Variants in RS1 observed in about 807,000 individuals in gnomAD.
The protein encoded by RS1 is retinoschisin 1.
In RS1, 2 loss-of-function variants were observed where a neutral mutation model predicts 20.8. That is an observed-to-expected ratio of 0.10 (90% CI 0.04 to 0.30). The LOEUF is 0.30. RS1 is among the 10% of genes least tolerant of loss of function. The pLI, the probability that RS1 is intolerant of heterozygous loss-of-function variation, is 1.00. For missense variants in RS1, 151 were observed against 189.8 expected, an observed-to-expected ratio of 0.80 and a Z score of 1.20; for synonymous variants, 70 against 75.8, an observed-to-expected ratio of 0.92 and a Z score of 0.40.
intron 4 of RS1, chrX:18,646,182 T>A: frequency 2.6e-6 from 3 of 1,162,980 alleles, no homozygotes; most frequent in Non-Finnish European, 3.5e-6. Context: ...GACAGAGTCT[T>A]GCTCTGTCGC....
intron 3 of RS1, 142 bp from the exon 4 acceptor site, chrX:18,647,474 T>C (rs1203647185): frequency 3.4e-6 from 2 of 583,265 alleles, no homozygotes; most frequent in Admixed American, 2.7e-5. Context: ...TCACAATGGG[T>C]ACAGCTGTGT....
chrX:18,668,364 C>T (rs1022851848), intron 1 of RS1, among the ~76,000 whole-genome samples: 2 of 112,296 alleles, frequency 1.8e-5, no homozygotes, highest in Non-Finnish European at 3.8e-5. Flanking sequence ...TTGAAATGTA[C>T]CTTGCAACCC....
chrX:18,644,657 T>TC lies in RS1; in HGVS notation c.327-33dup, dbSNP rs1331042796. 4.2e-6 allele frequency: 5 copies of TC among 1,187,903 alleles called. No homozygotes were observed. The Admixed American group carries it at 1.1e-4, about 26-fold the overall frequency. On this transcript the variant is annotated intron_variant, in intron 4 of 5. Coordinates refer to ENST00000379984, the MANE Select transcript of RS1 (RefSeq NM_000330.4). The stretch of plus-strand genomic sequence containing the variant: ...AGAACATACCGAGTCACCGAGAGAC[T>TC]CCCCCTGTGCATGTCTGCAAAAAGC...
intron 1 of RS1, among the ~76,000 whole-genome samples, chrX:18,667,546 C>CA (rs748540329): frequency 0.035 from 1,720 of 48,569 alleles, 20 homozygotes; most frequent in African/African-American, 0.047. Flanking sequence ...GACTCTGTCT[C>CA]AAAAAAAAAA....
chrX:18,664,484 C>T (rs949550979), intron 1 of RS1, among the ~76,000 whole-genome samples: 2 of 110,997 alleles, frequency 1.8e-5, no homozygotes, highest in African/African-American at 3.3e-5. Context: ...AAAAATTAGC[C>T]GGCCATGGTG....
intron 1 of RS1, among the ~76,000 whole-genome samples, chrX:18,663,625 C>T (rs1442506327): frequency 1.8e-5 from 2 of 111,545 alleles, no homozygotes; most frequent in East Asian, 2.8e-4. Context: ...GGATTACAGT[C>T]GTGAGCCACT....
rs975647298 is a variant in RS1 at position 18,639,784 on chromosome X, C to T, written c.*2220G>A. 4 of 112,182 alleles carry T rather than the reference C, an allele frequency of 3.6e-5. No homozygotes were observed. Among genetic ancestry groups the T allele is most frequent in the African/African-American group, 9.7e-5 (3 of 30,874 alleles). 9.2% of individuals were successfully genotyped at this position (112,182 alleles called of 1,213,427 possible). A position where few individuals can be genotyped will look rare whatever the true frequency, so the allele number is the denominator to read the frequency against. On this transcript the variant is annotated 3_prime_UTR_variant, in exon 6 of 6. Transcript: ENST00000379984. ...ATGAATGGATAAATAACAATGTGCT[C>T]TTGACATGATACTGAACAATGATGT... is the stretch of plus-strand genomic sequence containing the variant.
At chrX:18,648,954 AGGAG>A (rs1460211084) in intron 3 of RS1, among the ~76,000 whole-genome samples, 1 of 104,740 alleles carries the variant, frequency 9.5e-6, no homozygotes, top group African/African-American at 3.5e-5. Context: ...AGGCTGAGGG[AGGAG>A]GATTGCTTGA....
chrX:18,647,469 A>G lies in RS1; in HGVS notation c.185-137T>C, dbSNP rs578176641. The stretch of plus-strand genomic sequence containing the variant: ...GCTTTACCTGTCTCTGTGGTTCACA[A>G]TGGGTACAGCTGTGTCTTCAACGGT... On this transcript the variant is annotated intron_variant, in intron 3 of 5. Transcript: ENST00000379984. 4.8e-3 allele frequency: 2,954 copies of G among 614,785 alleles called. 12 individuals carry two copies. Among genetic ancestry groups the G allele is most frequent in the Middle Eastern group, 0.017 (36 of 2,074 alleles). 50.7% of individuals were successfully genotyped at this position (614,785 alleles called of 1,213,427 possible). A position where few individuals can be genotyped will look rare whatever the true frequency, so the allele number is the denominator to read the frequency against.
intron 1 of RS1, among the ~76,000 whole-genome samples, chrX:18,660,363 C>G (rs1928290094): frequency 9.1e-6 from 1 of 109,473 alleles, no homozygotes; most frequent in Non-Finnish European, 1.9e-5. Context: ...TTACAGCCAC[C>G]ATGCCTGGCT....
intron 3 of RS1, among the ~76,000 whole-genome samples, chrX:18,656,153 G>A (rs902770654): frequency 1.6e-4 from 17 of 108,982 alleles, no homozygotes; most frequent in African/African-American, 5.4e-4. Context: ...CACCACACCC[G>A]GATAATTTTT....
intron 1 of RS1, among the ~76,000 whole-genome samples, chrX:18,665,871 G>A (rs1459611012): frequency 2.5e-5 from 2 of 79,468 alleles, no homozygotes; most frequent in Non-Finnish European, 4.7e-5. Context: ...GTGACAGAGT[G>A]AGACCCTGTC....
chrX:18,666,324 C>G (rs1928404248), intron 1 of RS1, among the ~76,000 whole-genome samples: 1 of 111,795 alleles, frequency 8.9e-6, no homozygotes, highest in African/African-American at 3.3e-5. Context: ...GATGTTGGAG[C>G]AAAGATTCGA....
rs1569227926 is a variant in RS1, at chrX:18,639,849, CAT to C, written c.*2153_*2154del. ...GAGTGACAAGTGACATAGTGATACA[CAT>C]GTTATAACGTGGATGAACTTTAAAA... On this transcript the variant is annotated 3_prime_UTR_variant, in exon 6 of 6. Transcript: ENST00000379984. The C allele has an allele frequency of 8.9e-6, 1 of 112,063 alleles. No individual in the cohort carries two copies. The highest frequency in any genetic ancestry group is 9.4e-5 in the Admixed American group (1 of 10,599). 9.2% of individuals were successfully genotyped at this position (112,063 alleles called of 1,213,427 possible).
chrX:18,668,138 AT>A (rs1409339695), intron 1 of RS1, among the ~76,000 whole-genome samples: 3 of 112,367 alleles, frequency 2.7e-5, no homozygotes, highest in African/African-American at 9.7e-5. Flanking sequence ...AAATATTTCG[AT>A]TATGTGGTTG....
At chrX:18,669,486 T>TAAAAAAAAAA (rs1314143681) in intron 1 of RS1, among the ~76,000 whole-genome samples, 1 of 18,750 alleles carries the variant, frequency 5.3e-5, no homozygotes. Context: ...AGTGAAATTC[T>TAAAAAAAAAA]CAAAAAAAAA....
At chrX:18,655,814 G>T (rs981060789) in intron 3 of RS1, among the ~76,000 whole-genome samples, 2 of 109,952 alleles carry the variant, frequency 1.8e-5, no homozygotes, top group African/African-American at 6.6e-5. Context: ...CAGTATCCAG[G>T]CATGGTGCTA....
intron 1 of RS1, among the ~76,000 whole-genome samples, chrX:18,657,996 C>T (rs1928248617): frequency 9.0e-6 from 1 of 110,723 alleles, no homozygotes; most frequent in Admixed American, 9.6e-5. Flanking sequence ...ATGACAAAAC[C>T]CCGCCTCTAC....
At chrX:18,663,862 A>T (rs1928360297) in intron 1 of RS1, among the ~76,000 whole-genome samples, 1 of 111,874 alleles carries the variant, frequency 8.9e-6, no homozygotes, top group African/African-American at 3.3e-5. Context: ...GGCCTACAGG[A>T]TATCTTCCCG....
Sources: allele counts gnomAD v4.1 joint callset (sites outside exome capture counted in the v4.1 genomes callset), GRCh38; gene constraint gnomAD v4.1.1; transcripts MANE v1.5; gene names NCBI Gene and HGNC (gene_info 2026-07-23, HGNC 2026-07-21).